DMC1: variants seen among roughly 807,000 people sequenced by gnomAD.
DMC1 encodes the protein DNA meiotic recombinase 1, also known as meiotic recombination protein DMC1 homolog.
A neutral mutation model predicts 50.1 loss-of-function variants in DMC1; 27 were observed. The ratio of observed to expected loss-of-function variants is 0.54; its 90% CI spans 0.40 to 0.74. The LOEUF is 0.74. DMC1 is among the 30% of genes least tolerant of loss of function. The pLI is 0.00. For missense variants in DMC1, 295 were observed against 420.2 expected, an observed-to-expected ratio of 0.70 and a Z score of 2.60; for synonymous variants, 148 against 136.1, an observed-to-expected ratio of 1.09 and a Z score of -0.61.
chr22:38,514,881 G>A (rs186465512), downstream of DMC1, among the ~76,000 whole-genome samples: 10 of 151,404 alleles, frequency 6.6e-5, no homozygotes, highest in Non-Finnish European at 7.4e-5. Context: ...AGAACTAACC[G>A]TAAGTATACT....
chr22:38,519,998 G>A lies in DMC1; in HGVS notation c.*22C>T, dbSNP rs2090006324. The A allele has an allele frequency of 1.2e-5, 19 of 1,605,234 alleles. No homozygotes were observed. Among genetic ancestry groups the A allele is most frequent in the Non-Finnish European group, 1.6e-5 (19 of 1,172,214 alleles). On this transcript the variant is annotated 3_prime_UTR_variant, in exon 14 of 14. Coordinates refer to ENST00000216024, the MANE Select transcript of DMC1 (RefSeq NM_007068.4). ...TTCAGCTCCTAATAAGCACTAAGAA[G>A]CAATTTGCATCAATTCACCACCTAC...
At chr22:38,523,967 A>G (rs6001146) in intron 12 of DMC1, among the ~76,000 whole-genome samples, 4,175 of 152,184 alleles carry the variant, frequency 0.027, 192 homozygotes, top group African/African-American at 0.096. Flanking sequence ...TCTGAACACA[A>G]TGCTACTGCT....
At chr22:38,553,956 CAAAAAAAAAAAA>C (rs35690372) in intron 6 of DMC1, among the ~76,000 whole-genome samples, 4 of 34,750 alleles carry the variant, frequency 1.2e-4, no homozygotes, top group African/African-American at 3.3e-4. Context: ...ACTCCATCTC[CAAAAAAAAAAAA>C]AAAAAAAAAA....
chr22:38,562,734 G>A (rs910656231), intron 4 of DMC1, among the ~76,000 whole-genome samples: 1 of 150,850 alleles, frequency 6.6e-6, no homozygotes, highest in Non-Finnish European at 1.5e-5. Context: ...ACATATACAT[G>A]TACACATATA....
chr22:38,512,603 A>T, the DMC1 span, among the ~76,000 whole-genome samples: 3 of 152,178 alleles, frequency 2.0e-5, no homozygotes, highest in Non-Finnish European at 4.4e-5. Context: ...TGGCGTAGGA[A>T]AGCACGTGAA....
intron 8 of DMC1, among the ~76,000 whole-genome samples, chr22:38,546,667 A>C (rs941929583): frequency 6.6e-6 from 1 of 152,232 alleles, no homozygotes; most frequent in Non-Finnish European, 1.5e-5. Flanking sequence ...AGTAAATTCT[A>C]TAATAGGTCA....
chr22:38,522,546 A>G (rs1351093743), intron 12 of DMC1, among the ~76,000 whole-genome samples: 1 of 151,984 alleles, frequency 6.6e-6, no homozygotes, highest in Admixed American at 6.5e-5. Context: ...GGGCAACAGA[A>G]TAAGACTCCT....
intron 12 of DMC1, 34 bp from the exon 13 acceptor site, chr22:38,521,758 A>C (rs747466178): frequency 1.4e-6 from 2 of 1,407,544 alleles, no homozygotes; most frequent in African/African-American, 1.4e-5. Context: ...AGGTTTCATC[A>C]TATGGACTAT....
chr22:38,529,752 A>G (rs2090134744), intron 12 of DMC1, among the ~76,000 whole-genome samples: 1 of 152,204 alleles, frequency 6.6e-6, no homozygotes, highest in African/African-American at 2.4e-5. Context: ...AACGCTAAGT[A>G]TTCTGAGCCT....
In DMC1 at chr22:38,521,695, C is replaced by A. The variant is rs779180157; in HGVS notation, c.866G>T (p.Gly289Val). 1 of 1,613,928 alleles carries A rather than the reference C, an allele frequency of 6.2e-7. No individual in the cohort carries two copies. ...TGAAGCATGAGCCAGAATGTGTCCCCCAATGGGTTTTTTGGGATCTGCCTG... is the reference window on the plus strand; with the variant it reads ...TGAAGCATGAGCCAGAATGTGTCCCACAATGGGTTTTTTGGGATCTGCCTG... ...TFQADPKKPI[G>V]GHILAHASTT... The change falls in exon 13 of 14, where the codon GGG (glycine) becomes GTG (valine). Residue 289 changes from glycine (G) to valine (V), a missense_variant. Coordinates refer to ENST00000216024, the MANE Select transcript of DMC1 (RefSeq NM_007068.4).
At chr22:38,566,886 A>G (rs936730347) in intron 3 of DMC1, 150 bp from the exon 4 acceptor site, 13 of 756,622 alleles carry the variant, frequency 1.7e-5, no homozygotes, top group Non-Finnish European at 2.3e-5. Flanking sequence ...CATGTAGCCA[A>G]ATGTTCTGGA....
chr22:38,554,679 T>TA (rs55909973), intron 6 of DMC1, among the ~76,000 whole-genome samples: 62 of 146,622 alleles, frequency 4.2e-4, no homozygotes, highest in Middle Eastern at 3.5e-3. Context: ...ATCTATTATT[T>TA]AAAAAAAAAA....
rs904233631 is a variant in DMC1 at position 38,537,750 on chromosome 22, G to T, written c.776-98C>A. The T allele has an allele frequency of 4.8e-6, 4 of 839,074 alleles. No homozygotes were observed. In the African/African-American group the frequency reaches 5.1e-5, roughly 11 times the overall value. The allele number at this position is 839,074 out of a possible 1,614,324, so 52.0% of individuals were successfully genotyped here. ...TCAGAGTTTAGACATATTGCATCAT[G>T]AATTTATTTTATAAATAACATCATA... On this transcript the variant is annotated intron_variant, in intron 11 of 13. Coordinates refer to ENST00000216024, the MANE Select transcript of DMC1 (RefSeq NM_007068.4).
intron 6 of DMC1, among the ~76,000 whole-genome samples, chr22:38,553,904 C>G (rs952007987): frequency 2.2e-5 from 3 of 135,916 alleles, no homozygotes; most frequent in African/African-American, 8.5e-5. Context: ...TGCAGTGAGC[C>G]AAGATCAGGC....
Position 38,519,824 on chromosome 22 carries a change from C to G in DMC1, c.*196G>C. On this transcript the variant is annotated 3_prime_UTR_variant, in exon 14 of 14. Transcript: ENST00000216024. ...CACACAAACATACATATACATATCC[C>G]TGAATTTACATACAATGTATAGTTA... is the stretch of plus-strand genomic sequence containing the variant. 2 of 546,206 alleles carry G rather than the reference C, an allele frequency of 3.7e-6. No homozygotes were observed. The highest frequency in any genetic ancestry group is 6.7e-6 in the Non-Finnish European group (2 of 299,056). 33.8% of individuals were successfully genotyped at this position (546,206 alleles called of 1,614,324 possible). A position where few individuals can be genotyped will look rare whatever the true frequency, so the allele number is the denominator to read the frequency against.
intron 8 of DMC1, among the ~76,000 whole-genome samples, chr22:38,540,097 T>C (rs1484295042): frequency 6.6e-6 from 1 of 152,214 alleles, no homozygotes; most frequent in African/African-American, 2.4e-5. Context: ...CTGGAAAGTA[T>C]ATACAGTTTA....
At chr22:38,543,230 GT>G (rs1234016755) in intron 8 of DMC1, among the ~76,000 whole-genome samples, 4,152 of 131,414 alleles carry the variant, frequency 0.032, 49 homozygotes, top group South Asian at 0.058. Context: ...CCTGTAAATT[GT>G]TTTTTTTTTT....
intron 11 of DMC1, 130 bp from the exon 12 acceptor site, chr22:38,537,782 T>C: frequency 1.5e-6 from 1 of 675,036 alleles, no homozygotes; most frequent in Non-Finnish European, 2.6e-6. Context: ...CATATTCCTA[T>C]TTTTCATTGA....
At chr22:38,553,005 G>A (rs1462414232) in intron 6 of DMC1, among the ~76,000 whole-genome samples, 4 of 151,152 alleles carry the variant, frequency 2.6e-5, no homozygotes, top group Non-Finnish European at 5.9e-5. Context: ...CTGCCACCAC[G>A]CCCGGCTAGT....
Sources: allele counts gnomAD v4.1 joint callset (sites outside exome capture counted in the v4.1 genomes callset), GRCh38; gene constraint gnomAD v4.1.1; transcripts MANE v1.5; gene names NCBI Gene and HGNC (gene_info 2026-07-23, HGNC 2026-07-21).